MNAT1: variants seen among roughly 807,000 people sequenced by gnomAD.
MNAT1 encodes the protein MNAT1 component of CDK activating kinase.
In MNAT1, 43 loss-of-function variants were observed where a neutral mutation model predicts 42.0. The ratio of observed to expected loss-of-function variants is 1.02; its 90% CI spans 0.80 to 1.32. The LOEUF (loss-of-function observed/expected upper bound fraction) is 1.32, where lower values mean the gene tolerates loss of function less well. Ranked by LOEUF, MNAT1 falls within the 40% of genes most tolerant of loss-of-function variation. MNAT1 has a pLI of 0.00. For synonymous variants in MNAT1, 118 were observed against 120.0 expected, an observed-to-expected ratio of 0.98 and a Z score of 0.11; for missense variants, 306 against 350.4, an observed-to-expected ratio of 0.87 and a Z score of 1.01.
intron 6 of MNAT1, among the ~76,000 whole-genome samples, chr14:60,821,273 C>T (rs952842257): frequency 4.6e-5 from 7 of 152,118 alleles, no homozygotes; most frequent in East Asian, 1.9e-4. Flanking sequence ...TGGGCTACCA[C>T]GCCTGGCCCA....
At chr14:60,802,470 G>GA (rs964259087) in intron 3 of MNAT1, among the ~76,000 whole-genome samples, 10 of 150,040 alleles carry the variant, frequency 6.7e-5, no homozygotes, top group African/African-American at 1.7e-4. Context: ...TTTGTCAACT[G>GA]AAAAAAAAAG....
At chr14:60,880,664 A>G (rs4151299) in intron 7 of MNAT1, among the ~76,000 whole-genome samples, 8 of 152,200 alleles carry the variant, frequency 5.3e-5, no homozygotes, top group Non-Finnish European at 7.3e-5. Context: ...TAAAACCTAC[A>G]TGCATCTTCA....
intron 4 of MNAT1, among the ~76,000 whole-genome samples, chr14:60,810,760 C>T (rs531249861): frequency 1.6e-4 from 24 of 152,250 alleles, no homozygotes; most frequent in African/African-American, 4.8e-4. Context: ...TGTTTTGTGA[C>T]CTAACTTGTG....
chr14:60,814,487 T>A (rs1435982861), intron 5 of MNAT1, among the ~76,000 whole-genome samples: 1 of 152,160 alleles, frequency 6.6e-6, no homozygotes, highest in Non-Finnish European at 1.5e-5. Flanking sequence ...TGTTTGTGTG[T>A]GTGTGTGTGT....
At chr14:60,834,923 C>CCCTTCCTTCCTTCCTTCCTTCCTTCCTT (rs35945471) in intron 6 of MNAT1, among the ~76,000 whole-genome samples, 14 of 93,948 alleles carry the variant, frequency 1.5e-4, no homozygotes, top group African/African-American at 5.4e-4. Flanking sequence ...TTATGTAGTG[C>CCCTTCCTTCCTTCCTTCCTTCCTTCCTT]CCTTCCTTCC....
chr14:60,748,955 C>T (rs984203787), intron 1 of MNAT1, among the ~76,000 whole-genome samples: 1 of 152,062 alleles, frequency 6.6e-6, no homozygotes, highest in Non-Finnish European at 1.5e-5. Context: ...GGTTTGTTTA[C>T]CCCAGTATCA....
chr14:60,793,537 T>A lies in MNAT1; in HGVS notation c.90-2680T>A, dbSNP rs184093088. Among the ~76,000 whole-genome samples, 35 of 152,112 alleles carry A rather than the reference T, an allele frequency of 2.3e-4. No homozygotes were observed. The East Asian group carries it at 4.3e-3, about 18-fold the overall frequency. On this transcript the variant is annotated intron_variant, in intron 1 of 7. Transcript: ENST00000261245. ...ACCACCACATCTAGCTAATTTTTTT[T>A]AAATTTTTATATTTTGTAGAGGGAG...
At chr14:60,815,677 C>T (rs1317504272) in intron 5 of MNAT1, among the ~76,000 whole-genome samples, 4 of 152,138 alleles carry the variant, frequency 2.6e-5, no homozygotes, top group Non-Finnish European at 5.9e-5. Flanking sequence ...TGAGTTCTTT[C>T]TCCCACTTCC....
chr14:60,747,411 A>T (rs8017883), intron 1 of MNAT1, among the ~76,000 whole-genome samples: 143,941 of 152,226 alleles, frequency 0.95, 68,340 homozygotes, highest in Non-Finnish European at 0.99. Flanking sequence ...CTAAGCTATA[A>T]GGTGTAGCTT....
intron 7 of MNAT1, among the ~76,000 whole-genome samples, chr14:60,940,673 C>T (rs2036131937): frequency 6.6e-6 from 1 of 152,056 alleles, no homozygotes; most frequent in Non-Finnish European, 1.5e-5. Flanking sequence ...CGCCTTGGTC[C>T]CCCAAAGTGC....
At chr14:60,804,517 A>G (rs1238591470) in intron 3 of MNAT1, among the ~76,000 whole-genome samples, 1 of 151,790 alleles carries the variant, frequency 6.6e-6, no homozygotes, top group Non-Finnish European at 1.5e-5. Flanking sequence ...TTCTTTTTTA[A>G]ATTTTTATTT....
rs372780456 is a variant in MNAT1, at chr14:60,879,719, A to G, written c.693A>G (p.Gln231=). ...TTCCTTCATTTTTCTAACAGGGTCAACATATTTCACTGGCACCTATTCACA... is the reference window on the plus strand; with the variant it reads ...TTCCTTCATTTTTCTAACAGGGTCAGCATATTTCACTGGCACCTATTCACA... The part of the protein sequence containing the change: ...VTFSTGIKMG[Q]HISLAPIHKL... The change falls in exon 7 of 8, where the codon CAA becomes CAG. Residue 231 remains glutamine, a synonymous_variant. Coordinates refer to ENST00000261245, the MANE Select transcript of MNAT1 (RefSeq NM_002431.4). The G allele has an allele frequency of 3.7e-6, 6 of 1,612,250 alleles. No homozygotes were observed. The highest frequency in any genetic ancestry group is 2.7e-5 in the African/African-American group (2 of 74,858).
intron 1 of MNAT1, chr14:60,780,460 GGTT>G: frequency 5.2e-6 from 8 of 1,535,696 alleles, no homozygotes; most frequent in Non-Finnish European, 5.4e-6. Context: ...ACAAAGATTT[GGTT>G]GTACCTGAAA....
At position 60,865,904 on chromosome 14, in the gene MNAT1, G is replaced by C. The variant is rs536403962; in HGVS notation, c.688-13810G>C. On this transcript the variant is annotated intron_variant, in intron 6 of 7. Transcript: ENST00000261245. ...CTGTACTGAAGCTCCTCTGGGTATTGAAATTCCGTTCACTGGGAACGCTCT... is the reference window on the plus strand; with the variant it reads ...CTGTACTGAAGCTCCTCTGGGTATTCAAATTCCGTTCACTGGGAACGCTCT... 2.0e-5 allele frequency among the ~76,000 whole-genome samples: 3 copies of C among 152,078 alleles called. No individual in the cohort carries two copies. The East Asian group carries it at 5.8e-4, about 29-fold the overall frequency.
At chr14:60,846,318 T>A (rs2139409488) in intron 6 of MNAT1, among the ~76,000 whole-genome samples, 1 of 152,244 alleles carries the variant, frequency 6.6e-6, no homozygotes, top group East Asian at 1.9e-4. Context: ...TTTTTTTCCC[T>A]TGGCACATCA....
chr14:60,890,330 G>A (rs866988380), intron 7 of MNAT1, among the ~76,000 whole-genome samples: 16 of 152,268 alleles, frequency 1.1e-4, no homozygotes, highest in Middle Eastern at 6.8e-3. Context: ...TTCTTGGTAT[G>A]TTGTTGATTG....
chr14:60,744,178 C>A (rs1466011712), intron 1 of MNAT1, among the ~76,000 whole-genome samples: 1 of 151,014 alleles, frequency 6.6e-6, no homozygotes, highest in Non-Finnish European at 1.5e-5. Flanking sequence ...GTTGCCCATG[C>A]TGGAGTGCAG....
At chr14:60,871,799 T>A (rs902342813) in intron 6 of MNAT1, among the ~76,000 whole-genome samples, 6 of 151,980 alleles carry the variant, frequency 3.9e-5, no homozygotes, top group Non-Finnish European at 5.9e-5. Context: ...ATTTTTTTAT[T>A]TTTAGTAGAG....
chr14:60,861,530 T>TA (rs768465896), intron 6 of MNAT1, among the ~76,000 whole-genome samples: 2 of 150,158 alleles, frequency 1.3e-5, no homozygotes, highest in Non-Finnish European at 3.0e-5. Context: ...TTTTCACCAT[T>TA]AAAAAAAATC....
Sources: allele counts gnomAD v4.1 joint callset (sites outside exome capture counted in the v4.1 genomes callset), GRCh38; gene constraint gnomAD v4.1.1; transcripts MANE v1.5; gene names NCBI Gene and HGNC (gene_info 2026-07-23, HGNC 2026-07-21).